Variants in MDH1B observed in about 807,000 individuals in gnomAD.
MDH1B encodes putative malate dehydrogenase 1B.
In MDH1B, 60 loss-of-function variants were observed where a neutral mutation model predicts 61.4. The ratio of observed to expected loss-of-function variants is 0.98; its 90% CI spans 0.79 to 1.21. The LOEUF (loss-of-function observed/expected upper bound fraction) is 1.21, where lower values mean the gene tolerates loss of function less well. MDH1B is among the 50% of genes most tolerant of loss of function. MDH1B has a pLI of 0.00. For missense variants in MDH1B, 587 were observed against 632.1 expected (o/e 0.93, Z 0.76); for synonymous variants, 236 against 218.7 (o/e 1.08, Z -0.70).
At chr2:206,740,970 C>G (rs1224297728) in intron 10 of MDH1B, 84 bp downstream of exon 10, 1 of 1,578,486 alleles carries the variant, frequency 6.3e-7, no homozygotes, top group African/African-American at 1.4e-5. Context: ...GGTCGCTAGA[C>G]CATAACATTA....
At chr2:206,757,754 C>T (rs768257644) in intron 2 of MDH1B, among the ~76,000 whole-genome samples, 27 of 152,244 alleles carry the variant, frequency 1.8e-4, no homozygotes, top group Non-Finnish European at 3.4e-4. Context: ...GTCTTAGGGG[C>T]ATATAAAACT....
chr2:206,742,484 C>T (rs1687865891), intron 9 of MDH1B, among the ~76,000 whole-genome samples: 1 of 152,152 alleles, frequency 6.6e-6, no homozygotes, highest in African/African-American at 2.4e-5. Flanking sequence ...GCCTTTCCAC[C>T]TTTGTCTGAG....
At chr2:206,748,817 T>A (rs1574630785) in intron 7 of MDH1B, among the ~76,000 whole-genome samples, 1 of 152,376 alleles carries the variant, frequency 6.6e-6, no homozygotes, top group South Asian at 2.1e-4. Flanking sequence ...TCTTAACTCC[T>A]ATGTGTATTT....
At chr2:206,757,829 GTT>G (rs1688851339) in intron 2 of MDH1B, among the ~76,000 whole-genome samples, 3 of 152,122 alleles carry the variant, frequency 2.0e-5, no homozygotes, top group African/African-American at 7.2e-5. Flanking sequence ...TAAGCTAAAA[GTT>G]ATTTGGAGAT....
rs1284047096 is a variant in MDH1B, at chr2:206,749,000, T to C, written c.1216+20A>G. 3 of 1,608,334 alleles carry C rather than the reference T, an allele frequency of 1.9e-6. No homozygotes were observed. Among genetic ancestry groups the C allele is most frequent in the East Asian group, 4.5e-5 (2 of 44,826 alleles). ...ATAGAGGTTTTAAGATTTTACAAGATATGAAAAACCCAGATTTACCTTCAC... is the reference window on the plus strand; with the variant it reads ...ATAGAGGTTTTAAGATTTTACAAGACATGAAAAACCCAGATTTACCTTCAC... On this transcript the variant is annotated intron_variant, in intron 7 of 11. Transcript: ENST00000374412.
chr2:206,750,411 AAAGTGGAAATG>A (rs1688369819), intron 6 of MDH1B, among the ~76,000 whole-genome samples: 1 of 146,388 alleles, frequency 6.8e-6, no homozygotes, highest in Non-Finnish European at 1.5e-5. Flanking sequence ...TTTCATCTGC[AAAGTGGAAATG>A]GTAACATGAT....
intron 6 of MDH1B, 79 bp from the exon 7 acceptor site, chr2:206,749,262 C>G (rs1214379680): frequency 2.5e-6 from 3 of 1,211,748 alleles, no homozygotes; most frequent in African/African-American, 3.1e-5. Flanking sequence ...CTCAGTGGAA[C>G]TAAGTATCAG....
intron 11 of MDH1B, 113 bp downstream of exon 11, chr2:206,739,480 G>A: frequency 1.1e-6 from 1 of 924,790 alleles, no homozygotes; most frequent in Non-Finnish European, 1.7e-6. Context: ...TGGGGAATGT[G>A]GGAAGTGGGG....
chr2:206,740,934 A>C (rs1479702064), intron 10 of MDH1B, 120 bp downstream of exon 10: 11 of 1,348,476 alleles, frequency 8.2e-6, no homozygotes, highest in Non-Finnish European at 1.0e-5. Context: ...GCATATGAAA[A>C]GAAGCAGTTA....
chr2:206,741,015 T>C (rs779715873), intron 10 of MDH1B, 39 bp downstream of exon 10: 129 of 1,611,744 alleles, frequency 8.0e-5, no homozygotes, highest in Admixed American at 3.0e-4. Flanking sequence ...GTCACGACTA[T>C]TAGCAATATA....
At chr2:206,749,248 C>T in intron 6 of MDH1B, 65 bp from the exon 7 acceptor site, 1 of 1,430,290 alleles carries the variant, frequency 7.0e-7, no homozygotes, top group Non-Finnish European at 9.7e-7. Flanking sequence ...AGGATGTTCC[C>T]TGGCTCAGTG....
Position 206,742,051 on chromosome 2 carries a change from A to C in MDH1B, c.1409-947T>G, listed in dbSNP as rs200120366. Among the ~76,000 whole-genome samples, 5 of 152,318 alleles carry C rather than the reference A, an allele frequency of 3.3e-5. No individual in the cohort carries two copies. In the East Asian group the frequency reaches 9.6e-4, roughly 29 times the overall value. On this transcript the variant is annotated intron_variant, in intron 9 of 11. Coordinates refer to ENST00000374412, the MANE Select transcript of MDH1B (RefSeq NM_001039845.3). ...CATATGTGGTGAACAAAGGAACATA[A>C]TGAAGCTGGTTAGCTGCTCCTAAGT...
At chr2:206,743,436 T>C (rs1410839839) in intron 9 of MDH1B, among the ~76,000 whole-genome samples, 2 of 152,198 alleles carry the variant, frequency 1.3e-5, no homozygotes. Context: ...CAGTTGCTCC[T>C]GTTCTACTTA....
At chr2:206,757,111 T>C (rs956795638) in intron 3 of MDH1B, 71 bp from the exon 4 acceptor site, 118 of 1,554,892 alleles carry the variant, frequency 7.6e-5, no homozygotes, top group Non-Finnish European at 9.4e-5. Context: ...TAATGGAAAG[T>C]TTTTGTTTAA....
chr2:206,742,260 G>A (rs1024213197), intron 9 of MDH1B, among the ~76,000 whole-genome samples: 1 of 152,228 alleles, frequency 6.6e-6, no homozygotes. Flanking sequence ...AACGAAAAGT[G>A]TATGCACAGC....
rs2105923697 is a variant in MDH1B, at chr2:206,745,644, T to A, written c.1386A>T (p.Ile462=). The change falls in exon 9 of 12, where the codon ATA becomes ATT. Residue 462 remains isoleucine (I), a synonymous_variant. Coordinates refer to ENST00000374412, the MANE Select transcript of MDH1B (RefSeq NM_001039845.3). The part of the protein sequence containing the change: ...QEKLVALGDK[I]HFQPYQSGHK... ...TACCTGATTGGTATGGCTGAAAATG[T>A]ATCTTGTCTCCAAGTGCAACAAGTT... The A allele has an allele frequency of 2.5e-6, 4 of 1,612,602 alleles. No individual in the cohort carries two copies.
Position 206,750,825 on chromosome 2 carries a change from C to G in MDH1B, c.1052+109G>C, listed in dbSNP as rs191225601. On this transcript the variant is annotated intron_variant, in intron 6 of 11. Coordinates refer to ENST00000374412, the MANE Select transcript of MDH1B (RefSeq NM_001039845.3). ...CAGCATGAACAAATATGAGTGTGAACAATGCAAGTTATTTTTGTACAAAGA... is the reference window on the plus strand; with the variant it reads ...CAGCATGAACAAATATGAGTGTGAAGAATGCAAGTTATTTTTGTACAAAGA... 5.2e-6 allele frequency: 5 copies of G among 952,564 alleles called. No individual in the cohort carries two copies. In the East Asian group the frequency reaches 1.5e-4, roughly 28 times the overall value. The allele number at this position is 952,564 out of a possible 1,614,324, so 59.0% of individuals were successfully genotyped here. A position where few individuals can be genotyped will look rare whatever the true frequency, so the allele number is the denominator to read the frequency against.
chr2:206,756,417 G>A (rs1304537925), intron 4 of MDH1B, among the ~76,000 whole-genome samples: 3 of 152,094 alleles, frequency 2.0e-5, no homozygotes, highest in Non-Finnish European at 2.9e-5. Context: ...GAGAGACAGT[G>A]CAGAGAAAGA....
chr2:206,745,538 C>T, intron 9 of MDH1B, 84 bp downstream of exon 9: 1 of 992,036 alleles, frequency 1.0e-6, no homozygotes. Flanking sequence ...GAGAGTTATT[C>T]ATATTAACAG....
Sources: gnomAD v4.1 joint callset for allele counts (sites outside exome capture counted in the v4.1 genomes callset) on GRCh38, gnomAD v4.1.1 for gene constraint, MANE v1.5 for transcripts, NCBI Gene and HGNC (gene_info 2026-07-23, HGNC 2026-07-21) for gene names.